The following LINGO1 variants were observed in gnomAD, a reference collection of about 807,000 sequenced individuals.
LINGO1 encodes the protein leucine rich repeat and Ig domain containing 1, also known as leucine-rich repeat and immunoglobulin-like domain-containing nogo receptor-interacting protein 1.
A neutral mutation model predicts 37.3 loss-of-function variants in LINGO1; 11 were observed. That is an observed-to-expected ratio of 0.29 (90% CI 0.19 to 0.49). The LOEUF is 0.49. Among genes scored for constraint, LINGO1 ranks in the 20% least tolerant of loss-of-function variants. The probability of loss-of-function intolerance (pLI) is 0.99; values close to 1 mark genes in which losing one functional copy is unlikely to be tolerated. For synonymous variants in LINGO1, 387 were observed against 403.0 expected (o/e 0.96, Z 0.48); for missense variants, 585 against 878.2 (o/e 0.67, Z 4.22).
At chr15:77,697,489 G>A (rs2075711959), upstream of LINGO1, among the ~76,000 whole-genome samples, 1 of 152,220 alleles carries the variant, frequency 6.6e-6, no homozygotes, top group Non-Finnish European at 1.5e-5. Flanking sequence ...TCAGAGGCAT[G>A]CTGTGTTACC....
At chr15:77,771,341 G>A (rs1338042159) in intron 1 of LINGO1, among the ~76,000 whole-genome samples, 4 of 152,156 alleles carry the variant, frequency 2.6e-5, no homozygotes, top group Non-Finnish European at 4.4e-5. Flanking sequence ...ATGAGGGAAC[G>A]AGACTTGCCC....
intron 3 of LINGO1, among the ~76,000 whole-genome samples, chr15:77,664,130 AGTGTGTGTGTGT>A (rs774494605): frequency 1.6e-4 from 21 of 130,300 alleles, no homozygotes; most frequent in Admixed American, 4.4e-4. Context: ...ACACAGGAGC[AGTGTGTGTGTGT>A]GTGTGTGTGT....
At chr15:77,699,496 T>TGCACACAGTAAGCACATACTAA (rs2075743617), upstream of LINGO1, among the ~76,000 whole-genome samples, 9 of 4,964 alleles carry the variant, frequency 1.8e-3, no homozygotes, top group Admixed American at 3.8e-3. Context: ...AACCATCATC[T>TGCACACAGTAAGCACATACTAA]CCACACACAA....
At chr15:77,628,854 C>G (rs970227520) in intron 1 of LINGO1, among the ~76,000 whole-genome samples, 1 of 152,214 alleles carries the variant, frequency 6.6e-6, no homozygotes, top group African/African-American at 2.4e-5. Context: ...CACTCGCCAC[C>G]TCTCTGGCTC....
At chr15:77,726,574 C>T (rs545278179) in intron 2 of LINGO1, among the ~76,000 whole-genome samples, 1 of 152,216 alleles carries the variant, frequency 6.6e-6, no homozygotes, top group Non-Finnish European at 1.5e-5. Flanking sequence ...TCTTACCTTA[C>T]ACCATATACA....
At chr15:77,768,555 T>G (rs2076552813) in intron 1 of LINGO1, among the ~76,000 whole-genome samples, 1 of 152,140 alleles carries the variant, frequency 6.6e-6, no homozygotes, top group African/African-American at 2.4e-5. Flanking sequence ...AGCCCTGGTT[T>G]ACTCACAGGG....
chr15:77,688,249 C>A (rs1184693278), intron 2 of LINGO1, among the ~76,000 whole-genome samples: 2 of 152,354 alleles, frequency 1.3e-5, no homozygotes, highest in East Asian at 3.9e-4. Context: ...CCAGCCAAGC[C>A]CCCCACTGTC....
At chr15:77,617,275 C>A (rs945718613) in intron 1 of LINGO1, among the ~76,000 whole-genome samples, 30 of 152,280 alleles carry the variant, frequency 2.0e-4, no homozygotes, top group African/African-American at 7.0e-4. Flanking sequence ...CTCCTTCCCT[C>A]TTCTCTCTCC....
chr15:77,632,013 G>T lies in LINGO1; in HGVS notation c.6+297C>A, dbSNP rs2074269356. On this transcript the variant is annotated intron_variant, in intron 1 of 1. Transcript: ENST00000355300. This position sits in a 1 kb window ranked among gnomAD's most constrained non-coding sequence, Gnocchi z 6.0. Reference sequence around the variant, plus strand: ...TGACCAATACTCAGAATGGGAGGGGGGACAGGAAGGGGAGACCAGAGCAGG... The same window carrying T: ...TGACCAATACTCAGAATGGGAGGGGTGACAGGAAGGGGAGACCAGAGCAGG... 6.6e-6 allele frequency among the ~76,000 whole-genome samples: 1 copy of T among 152,188 alleles called. No homozygotes were observed. Among genetic ancestry groups the T allele is most frequent in the South Asian group, 2.1e-4 (1 of 4,836 alleles).
At chr15:77,697,820 C>T (rs1282838660), upstream of LINGO1, among the ~76,000 whole-genome samples, 2 of 152,118 alleles carry the variant, frequency 1.3e-5, no homozygotes, top group South Asian at 4.1e-4. Context: ...TAAAGGAAAA[C>T]GAGTTGGGCT....
chr15:77,659,409 C>A (rs1002788526), intron 3 of LINGO1, among the ~76,000 whole-genome samples: 3 of 152,054 alleles, frequency 2.0e-5, no homozygotes, highest in African/African-American at 7.2e-5. Flanking sequence ...CATCCAAGGA[C>A]CCTCAAGCAG....
intron 1 of LINGO1, among the ~76,000 whole-genome samples, chr15:77,777,218 C>G (rs1311450249): frequency 1.3e-5 from 2 of 152,132 alleles, no homozygotes; most frequent in African/African-American, 4.8e-5. Context: ...GTCAACCAGC[C>G]AGTGGTGTGT....
chr15:77,631,013 T>C (rs1168713168), intron 1 of LINGO1, among the ~76,000 whole-genome samples: 1 of 152,206 alleles, frequency 6.6e-6, no homozygotes, highest in African/African-American at 2.4e-5. Flanking sequence ...CCCTGGCTTA[T>C]ACAAGGACAA....
rs539076041 is a variant in LINGO1 at position 77,627,675 on chromosome 15, CT to C, written c.6+4634del. Among the ~76,000 whole-genome samples, 28 of 152,348 alleles carry C rather than the reference CT, an allele frequency of 1.8e-4. No homozygotes were observed. In the South Asian group the frequency reaches 5.4e-3, roughly 29 times the overall value. ...AATGAAACACAGGCTCCCTCCACCT[CT>C]TAAGCTAGGACCACTCCTTCCCATC... On this transcript the variant is annotated intron_variant, in intron 1 of 1. Transcript: ENST00000355300.
chr15:77,811,664 G>A (rs1056278333), intron 1 of LINGO1, among the ~76,000 whole-genome samples: 3 of 152,308 alleles, frequency 2.0e-5, no homozygotes, highest in Admixed American at 6.5e-5. Flanking sequence ...GCCTCAGTCC[G>A]CTCATCTATC....
intron 1 of LINGO1, among the ~76,000 whole-genome samples, chr15:77,783,309 C>T (rs1193376457): frequency 2.0e-5 from 3 of 152,286 alleles, no homozygotes; most frequent in African/African-American, 7.2e-5. Context: ...GGATACAGTG[C>T]TTCATAGGTG....
intron 2 of LINGO1, among the ~76,000 whole-genome samples, chr15:77,734,168 T>C (rs1218440047): frequency 6.6e-6 from 1 of 152,104 alleles, no homozygotes; most frequent in Non-Finnish European, 1.5e-5. Context: ...AATCCGCTAG[T>C]ACTGCTGCTG....
rs143320858 is a variant in LINGO1 at position 77,725,485 on chromosome 15, C to T, written c.-195+9507G>A. Reference sequence around the variant, plus strand: ...GGCTGAGGTAGGGGGATCACTCGAACCCTGGTGGTCGAGGCTGCAGTGAGC... The same window carrying T: ...GGCTGAGGTAGGGGGATCACTCGAATCCTGGTGGTCGAGGCTGCAGTGAGC... On this transcript the variant is annotated intron_variant, in intron 2 of 3. Transcript: ENST00000561686. 7.1e-3 allele frequency among the ~76,000 whole-genome samples: 1,075 copies of T among 152,322 alleles called. 6 individuals are homozygous for T. Among genetic ancestry groups the T allele is most frequent in the Middle Eastern group, 0.02 (6 of 294 alleles).
At chr15:77,655,943 C>T (rs908303152) in intron 3 of LINGO1, among the ~76,000 whole-genome samples, 19 of 152,252 alleles carry the variant, frequency 1.2e-4, no homozygotes, top group Admixed American at 2.6e-4. Context: ...TGGAGTTCCA[C>T]TGCCAAGCTA....
Sources: allele counts gnomAD v4.1 joint callset (sites outside exome capture counted in the v4.1 genomes callset), GRCh38; gene constraint gnomAD v4.1.1; non-coding constraint Gnocchi (gnomAD v3.1); transcripts MANE v1.5; gene names NCBI Gene and HGNC (gene_info 2026-07-23, HGNC 2026-07-21).